NUDCD3: variants seen among roughly 807,000 people sequenced by gnomAD.
NUDCD3 encodes NudC domain containing 3, also known as nudC domain-containing protein 3.
NUDCD3 carries 13 observed loss-of-function variants against 39.7 expected under a neutral mutation model. That is an observed-to-expected ratio of 0.33 (90% confidence interval 0.21 to 0.52). The LOEUF (loss-of-function observed/expected upper bound fraction) is 0.52. Among genes scored for constraint, NUDCD3 ranks in the 20% least tolerant of loss-of-function variants. The probability of loss-of-function intolerance (pLI) is 0.96; values close to 1 mark genes in which losing one functional copy is unlikely to be tolerated. For synonymous variants in NUDCD3, 175 were observed against 172.4 expected, an observed-to-expected ratio of 1.02 and a Z score of -0.12; for missense variants, 453 against 458.1, an observed-to-expected ratio of 0.99 and a Z score of 0.10.
intron 3 of NUDCD3, among the ~76,000 whole-genome samples, chr7:44,414,760 G>A (rs1054140479): frequency 2.0e-5 from 3 of 152,126 alleles, no homozygotes; most frequent in African/African-American, 4.8e-5. Context: ...ATAATAAAAC[G>A]TTTTCCTGCA....
intron 3 of NUDCD3, among the ~76,000 whole-genome samples, chr7:44,410,565 G>T (rs1798904017): frequency 6.6e-6 from 1 of 152,134 alleles, no homozygotes. Flanking sequence ...TTGGGAGGCT[G>T]AGGCAGGAGA....
intron 4 of NUDCD3, 43 bp from the exon 5 acceptor site, chr7:44,392,528 C>G (rs756092380): frequency 1.3e-6 from 2 of 1,576,138 alleles, no homozygotes; most frequent in Non-Finnish European, 1.7e-6. Flanking sequence ...AGACCTGAGA[C>G]AGGTGTCCAG....
chr7:44,414,474 T>C (rs1186840671), intron 3 of NUDCD3, among the ~76,000 whole-genome samples: 1 of 152,170 alleles, frequency 6.6e-6, no homozygotes, highest in Admixed American at 6.5e-5. Context: ...CCATCTGTGC[T>C]AAAGGTGGGG....
intron 5 of NUDCD3, among the ~76,000 whole-genome samples, chr7:44,390,608 T>C (rs1048791278): frequency 5.9e-5 from 9 of 152,196 alleles, no homozygotes; most frequent in Non-Finnish European, 1.0e-4. Flanking sequence ...ACAAAAGGCA[T>C]CTGGGTTCAT....
intron 3 of NUDCD3, among the ~76,000 whole-genome samples, chr7:44,420,515 C>T (rs754321320): frequency 2.0e-5 from 3 of 152,102 alleles, no homozygotes; most frequent in Non-Finnish European, 1.5e-5. Context: ...CGAAGATACT[C>T]CTTGAGAAGA....
Position 44,380,636 on chromosome 7 carries a change from A to C in NUDCD3, c.*5375T>G, listed in dbSNP as rs748051571. On this transcript the variant is annotated 3_prime_UTR_variant, in exon 6 of 6. Coordinates refer to ENST00000355451, the MANE Select transcript of NUDCD3 (RefSeq NM_015332.4). ...TGAGGTCTCCACACACTGGGTCATT[A>C]GTACCCACAAGCAATCACTGTTGAG... 6.6e-5 allele frequency: 10 copies of C among 152,250 alleles called. No homozygotes were observed. The highest frequency in any genetic ancestry group is 1.2e-4 in the Non-Finnish European group (8 of 68,088). 9.4% of individuals were successfully genotyped at this position (152,250 alleles called of 1,614,324 possible). A position where few individuals can be genotyped will look rare whatever the true frequency, so the allele number is the denominator to read the frequency against.
At chr7:44,422,653 C>G (rs1799162870) in intron 3 of NUDCD3, among the ~76,000 whole-genome samples, 1 of 152,130 alleles carries the variant, frequency 6.6e-6, no homozygotes, top group East Asian at 1.9e-4. Flanking sequence ...TAACAGCCTA[C>G]CAACCAAAAA....
At position 44,380,584 on chromosome 7, in the gene NUDCD3, G is replaced by GCCC. The variant is rs1798289427; in HGVS notation, c.*5426_*5427insGGG. 1 of 152,204 alleles carries GCCC rather than the reference G, an allele frequency of 6.6e-6. No homozygotes were observed. The highest frequency in any genetic ancestry group is 6.5e-5 in the Admixed American group (1 of 15,286). 9.4% of individuals were successfully genotyped at this position (152,204 alleles called of 1,614,324 possible). A position where few individuals can be genotyped will look rare whatever the true frequency, so the allele number is the denominator to read the frequency against. On this transcript the variant is annotated 3_prime_UTR_variant, in exon 6 of 6. Transcript: ENST00000355451. ...CCTAAGGGTCACTGCCTTGGGATTT[G>GCCC]CCTGCAGGCTAGGCACACCTGGTAA... is the stretch of plus-strand genomic sequence containing the variant.
At chr7:44,428,507 T>TA (rs1468187655) in intron 2 of NUDCD3, among the ~76,000 whole-genome samples, 1 of 151,750 alleles carries the variant, frequency 6.6e-6, no homozygotes, top group Non-Finnish European at 1.5e-5. Context: ...ATCCAACCCC[T>TA]AGCCTCTATT....
chr7:44,474,158 G>A (rs1299491848), intron 2 of NUDCD3, among the ~76,000 whole-genome samples: 4 of 145,848 alleles, frequency 2.7e-5, no homozygotes, highest in African/African-American at 7.6e-5. Flanking sequence ...ATTTTGTGAA[G>A]TACATATATT....
intron 3 of NUDCD3, among the ~76,000 whole-genome samples, chr7:44,407,249 G>A (rs902845350): frequency 6.7e-6 from 1 of 149,580 alleles, no homozygotes; most frequent in African/African-American, 2.5e-5. Flanking sequence ...CAAGAGAATG[G>A]GAGAAAAATA....
At chr7:44,446,809 T>C (rs1799697182) in intron 2 of NUDCD3, among the ~76,000 whole-genome samples, 1 of 152,244 alleles carries the variant, frequency 6.6e-6, no homozygotes, top group Admixed American at 6.5e-5. Flanking sequence ...CCCTTTTAAC[T>C]GGCAGAACTA....
At chr7:44,399,713 C>T (rs1798685910) in intron 4 of NUDCD3, among the ~76,000 whole-genome samples, 1 of 152,170 alleles carries the variant, frequency 6.6e-6, no homozygotes, top group African/African-American at 2.4e-5. Flanking sequence ...AACAACTCAT[C>T]CACCAGGGAG....
chr7:44,449,266 C>T (rs1162241448), intron 2 of NUDCD3, among the ~76,000 whole-genome samples: 1 of 152,152 alleles, frequency 6.6e-6, no homozygotes, highest in Non-Finnish European at 1.5e-5. Flanking sequence ...AGTACAGAAG[C>T]CAAACACATG....
chr7:44,427,236 T>C (rs888365826), intron 3 of NUDCD3, among the ~76,000 whole-genome samples: 6 of 152,206 alleles, frequency 3.9e-5, no homozygotes, highest in Non-Finnish European at 8.8e-5. Context: ...ACTGAGAAGC[T>C]GGCCATCTAC....
chr7:44,470,557 C>T (rs1800234290), intron 2 of NUDCD3, among the ~76,000 whole-genome samples: 1 of 152,198 alleles, frequency 6.6e-6, no homozygotes, highest in South Asian at 2.1e-4. Flanking sequence ...CAGGTCACTC[C>T]AACTACCTCA....
At chr7:44,428,034 C>T (rs1252976672) in intron 2 of NUDCD3, among the ~76,000 whole-genome samples, 23 of 150,156 alleles carry the variant, frequency 1.5e-4, no homozygotes, top group Non-Finnish European at 4.4e-5. Context: ...AGATCCAGGC[C>T]TGTTAATTAA....
At position 44,463,970 on chromosome 7, in the gene NUDCD3, T is replaced by C. The variant is rs146214923; in HGVS notation, c.509+20998A>G. Among the ~76,000 whole-genome samples, 1,015 of 152,158 alleles carry C rather than the reference T, an allele frequency of 6.7e-3. 10 individuals are homozygous for C. The highest frequency in any genetic ancestry group is 0.023 in the African/African-American group (954 of 41,526). On this transcript the variant is annotated intron_variant, in intron 2 of 5. Coordinates refer to ENST00000355451, the MANE Select transcript of NUDCD3 (RefSeq NM_015332.4). ...GGCTCACGCCTGTGATCCCAGCACT[T>C]TGGGAGGCTGCGGCAGGTGGATCAT...
chr7:44,417,347 A>G (rs1374037555), intron 3 of NUDCD3, among the ~76,000 whole-genome samples: 1 of 152,218 alleles, frequency 6.6e-6, no homozygotes, highest in Non-Finnish European at 1.5e-5. Flanking sequence ...TGGCATCAAC[A>G]TCCCAGATAG....
Sources: allele counts gnomAD v4.1 joint callset (sites outside exome capture counted in the v4.1 genomes callset), GRCh38; gene constraint gnomAD v4.1.1; transcripts MANE v1.5; gene names NCBI Gene and HGNC (gene_info 2026-07-23, HGNC 2026-07-21).